TRIM33: variants seen among roughly 807,000 people sequenced by gnomAD.
TRIM33 encodes the protein tripartite motif containing 33, also known as E3 ubiquitin-protein ligase TRIM33.
Under a neutral mutation model 125.4 loss-of-function variants are expected in TRIM33, and 20 were observed. The ratio of observed to expected loss-of-function variants is 0.16; its 90% CI spans 0.11 to 0.23. TRIM33 has a LOEUF of 0.23. Ranked by LOEUF, TRIM33 falls within the 10% of genes least tolerant of loss-of-function variation. The probability of loss-of-function intolerance (pLI) is 1.00; values close to 1 mark genes in which losing one functional copy is unlikely to be tolerated. For missense variants in TRIM33, 920 were observed against 1,411.4 expected (o/e 0.65, Z 5.58); for synonymous variants, 564 against 513.9 (o/e 1.10, Z -1.32).
intron 1 of TRIM33, among the ~76,000 whole-genome samples, chr1:114,470,638 TAACAACAACAAC>T (rs35575166): frequency 1.3e-5 from 2 of 151,310 alleles, no homozygotes. Flanking sequence ...ACTTGGTCAA[TAACAACAACAAC>T]AACAACAACA....
chr1:114,451,371 C>T (rs1387990175), intron 4 of TRIM33, among the ~76,000 whole-genome samples: 4 of 126,194 alleles, frequency 3.2e-5, no homozygotes, highest in East Asian at 2.0e-4. Context: ...CATTACCCTG[C>T]TTTAAAAAAA....
At position 114,399,739 on chromosome 1, in the gene TRIM33, T is replaced by G. The variant is rs764148195; in HGVS notation, c.2968-130A>C. On this transcript the variant is annotated intron_variant, in intron 17 of 19. Transcript: ENST00000358465. ...GCCAGCTGCTTGCAAATTTTGAGTATAGACGTATGTACTTTACATCTTCAT... is the reference window on the plus strand; with the variant it reads ...GCCAGCTGCTTGCAAATTTTGAGTAGAGACGTATGTACTTTACATCTTCAT... The G allele has an allele frequency of 1.6e-5, 11 of 703,670 alleles. No individual in the cohort carries two copies. The Admixed American group carries it at 2.6e-4, about 17-fold the overall frequency. 43.6% of individuals were successfully genotyped at this position (703,670 alleles called of 1,614,324 possible).
At chr1:114,419,673 A>G (rs1653156592) in intron 11 of TRIM33, among the ~76,000 whole-genome samples, 1 of 152,228 alleles carries the variant, frequency 6.6e-6, no homozygotes, top group Non-Finnish European at 1.5e-5. Flanking sequence ...AAGAGAATTC[A>G]CAATATGTTA....
At chr1:114,422,938 T>G (rs1447842527) in intron 10 of TRIM33, among the ~76,000 whole-genome samples, 3 of 152,132 alleles carry the variant, frequency 2.0e-5, no homozygotes, top group Non-Finnish European at 4.4e-5. Context: ...ATTTGTAAAT[T>G]TTGTAAACGT....
chr1:114,443,876 A>T (rs1648813167), intron 4 of TRIM33, among the ~76,000 whole-genome samples: 1 of 152,052 alleles, frequency 6.6e-6, no homozygotes, highest in Non-Finnish European at 1.5e-5. Flanking sequence ...CTTAAAAAAA[A>T]AAAAAATTAA....
intron 14 of TRIM33, 137 bp downstream of exon 14, chr1:114,406,804 A>T: frequency 1.3e-6 from 1 of 778,658 alleles, no homozygotes; most frequent in Non-Finnish European, 2.0e-6. Flanking sequence ...AGAAAAAGAG[A>T]TATCTGGCTT....
intron 4 of TRIM33, among the ~76,000 whole-genome samples, chr1:114,456,864 T>C (rs1649659551): frequency 6.6e-6 from 1 of 152,146 alleles, no homozygotes; most frequent in Admixed American, 6.5e-5. Flanking sequence ...AAAAAAGCAG[T>C]GATGACATGT....
chr1:114,407,147 TATAA>T, intron 13 of TRIM33, 47 bp from the exon 14 acceptor site: 1 of 1,501,096 alleles, frequency 6.7e-7, no homozygotes, highest in Non-Finnish European at 9.0e-7. Flanking sequence ...GACTATATGG[TATAA>T]ATAAAAACAA....
rs550402622 is a variant in TRIM33 at position 114,411,190 on chromosome 1, G to A, written c.2062-874C>T. The stretch of plus-strand genomic sequence containing the variant: ...TGAATAGCTAGGACTACAGGCATGC[G>A]CCACAACGCCTGGCTAATTTTTGTG... On this transcript the variant is annotated intron_variant, in intron 11 of 19. Transcript: ENST00000358465. 4.6e-5 allele frequency among the ~76,000 whole-genome samples: 7 copies of A among 151,700 alleles called. No individual in the cohort carries two copies. The South Asian group carries it at 1.3e-3, about 27-fold the overall frequency.
At chr1:114,434,140 T>C (rs1205323269) in intron 4 of TRIM33, among the ~76,000 whole-genome samples, 2 of 152,212 alleles carry the variant, frequency 1.3e-5, no homozygotes, top group East Asian at 1.9e-4. Context: ...CACTGTAATA[T>C]ATAGTTCCTT....
chr1:114,473,771 T>C (rs1239468006), intron 1 of TRIM33, among the ~76,000 whole-genome samples: 1 of 152,026 alleles, frequency 6.6e-6, no homozygotes, highest in African/African-American at 2.4e-5. Context: ...ATACATGAGC[T>C]ATACAGAAAA....
intron 1 of TRIM33, chr1:114,468,494 CA>C (rs1179116846): frequency 1.1e-5 from 4 of 380,354 alleles, no homozygotes; most frequent in Non-Finnish European, 2.1e-5. Context: ...ATGAAGAGAA[CA>C]GTAGGGAAAA....
At chr1:114,464,414 A>T (rs1300909180) in intron 1 of TRIM33, 26 bp from the exon 2 acceptor site, 2 of 1,326,890 alleles carry the variant, frequency 1.5e-6, no homozygotes, top group South Asian at 2.6e-5. Flanking sequence ...ACAACATTTT[A>T]AAATATTCTT....
intron 10 of TRIM33, among the ~76,000 whole-genome samples, chr1:114,422,610 C>T (rs747810106): frequency 1.3e-4 from 19 of 151,510 alleles, no homozygotes; most frequent in Non-Finnish European, 2.2e-4. Context: ...CACCTTTGAC[C>T]ATTCCTAAAT....
At chr1:114,474,916 G>T (rs1650886012) in intron 1 of TRIM33, among the ~76,000 whole-genome samples, 1 of 150,634 alleles carries the variant, frequency 6.6e-6, no homozygotes. Flanking sequence ...ACAAGCAGGA[G>T]TGGCTATTCT....
chr1:114,486,410 T>G (rs1406459341), intron 1 of TRIM33, among the ~76,000 whole-genome samples: 1 of 125,116 alleles, frequency 8.0e-6, no homozygotes, highest in Non-Finnish European at 1.7e-5. Flanking sequence ...TAACTTGAGG[T>G]CAGGAGGTCA....
chr1:114,482,977 C>T (rs376416571), intron 1 of TRIM33, among the ~76,000 whole-genome samples: 17 of 152,126 alleles, frequency 1.1e-4, no homozygotes, highest in African/African-American at 3.9e-4. Context: ...GAACTATGAA[C>T]CTCTTATGCC....
chr1:114,408,718 A>G lies in TRIM33; in HGVS notation c.2217T>C (p.Pro739=). ...GSSGLSNSHT[P]VRPPSTSSTG... Reference sequence around the variant, plus strand: ...TACTAGAAGTACTTGGGGGTCTCACAGGTGTGTGAGAATTGGATAAACCTA... The same window carrying G: ...TACTAGAAGTACTTGGGGGTCTCACGGGTGTGTGAGAATTGGATAAACCTA... Residue 739 remains proline (P), a synonymous_variant, in exon 13 of 20, where the codon CCT becomes CCC. Transcript: ENST00000358465. The G allele has an allele frequency of 6.2e-7, 1 of 1,603,700 alleles. No homozygotes were observed. The highest frequency in any genetic ancestry group is 8.5e-7 in the Non-Finnish European group (1 of 1,174,008).
chr1:114,456,205 A>G (rs34500144), intron 4 of TRIM33, among the ~76,000 whole-genome samples: 1 of 152,112 alleles, frequency 6.6e-6, no homozygotes, highest in Non-Finnish European at 1.5e-5. Context: ...GAAAGCACGT[A>G]AGTTCACCTT....
Sources: allele counts gnomAD v4.1 joint callset (sites outside exome capture counted in the v4.1 genomes callset), GRCh38; gene constraint gnomAD v4.1.1; transcripts MANE v1.5; gene names NCBI Gene and HGNC (gene_info 2026-07-23, HGNC 2026-07-21).